The following TAGLN3 variants were observed in gnomAD, a reference collection of about 807,000 sequenced individuals.
The protein encoded by TAGLN3 is transgelin 3.
TAGLN3 carries 12 observed loss-of-function variants against 25.4 expected under a neutral mutation model. The ratio of observed to expected loss-of-function variants is 0.47; its 90% CI spans 0.30 to 0.77. The LOEUF is 0.77. Among genes scored for constraint, TAGLN3 ranks in the 30% least tolerant of loss-of-function variants. The pLI is 0.06. For synonymous variants in TAGLN3, 96 were observed against 94.8 expected, an observed-to-expected ratio of 1.01 and a Z score of -0.08; for missense variants, 218 against 255.8, an observed-to-expected ratio of 0.85 and a Z score of 1.01.
rs576540911 is a variant in TAGLN3 at position 112,008,198 on chromosome 3, G to GGCT, written c.356-3563_356-3561dup. Among the ~76,000 whole-genome samples the GGCT allele has an allele frequency of 3.5e-3, 539 of 152,304 alleles. 2 individuals carry two copies. Among genetic ancestry groups the GGCT allele is most frequent in the African/African-American group, 0.012 (506 of 41,556 alleles). On this transcript the variant is annotated intron_variant, in intron 3 of 4. Transcript: ENST00000478951. ...ATAATCCAAGAAGCTTGGGAAAGCA[G>GGCT]GCTGTGTATGGCCATTTTTTATACT... is the stretch of plus-strand genomic sequence containing the variant.
chr3:112,006,786 T>TA (rs2072921448), intron 3 of TAGLN3, among the ~76,000 whole-genome samples: 1 of 152,222 alleles, frequency 6.6e-6, no homozygotes, highest in Non-Finnish European at 1.5e-5. Flanking sequence ...ATACATAAGA[T>TA]ACCTTGGAAG....
At position 111,999,472 on chromosome 3, in the gene TAGLN3, A is replaced by G; in HGVS notation, c.50A>G (p.Lys17Arg). The G allele has an allele frequency of 6.2e-7, 1 of 1,614,238 alleles. No individual in the cohort carries two copies. Among genetic ancestry groups the G allele is most frequent in the Non-Finnish European group, 8.5e-7 (1 of 1,180,038 alleles). ...SYGLSREVQE[K>R]IEQKYDADLE... ...GGCTTAAGCCGAGAGGTGCAGGAGA[A>G]GATCGAGCAGAAGTATGATGCGGAC... Residue 17 changes from lysine to arginine, a missense_variant, in exon 2 of 5, where the codon AAG (lysine) becomes AGG (arginine). Coordinates refer to ENST00000478951, the MANE Select transcript of TAGLN3 (RefSeq NM_001008272.2).
chr3:112,006,224 CA>C (rs2072915823), intron 3 of TAGLN3, among the ~76,000 whole-genome samples: 1 of 152,132 alleles, frequency 6.6e-6, no homozygotes, highest in African/African-American at 2.4e-5. Context: ...GCCCCAACAG[CA>C]GAGTTTCTGA....
Position 111,999,101 on chromosome 3 carries a change from G to A in TAGLN3, c.-16G>A, listed in dbSNP as rs1337779925. ...CACCCATCCCCCTTGCTGCCTGGGG[G>A]TTCAGACTTGATTGTGAGTCCGTGT... is the stretch of plus-strand genomic sequence containing the variant. On this transcript the variant is annotated 5_prime_UTR_variant, in exon 1 of 5. Coordinates refer to ENST00000478951, the MANE Select transcript of TAGLN3 (RefSeq NM_001008272.2). 2.0e-5 allele frequency: 4 copies of A among 202,022 alleles called. No individual in the cohort carries two copies. Among genetic ancestry groups the A allele is most frequent in the Non-Finnish European group, 4.0e-5 (4 of 100,280 alleles). 12.5% of individuals were successfully genotyped at this position (202,022 alleles called of 1,614,324 possible).
intron 3 of TAGLN3, among the ~76,000 whole-genome samples, chr3:112,004,942 A>G (rs1306433522): frequency 6.6e-6 from 1 of 152,084 alleles, no homozygotes; most frequent in Non-Finnish European, 1.5e-5. Flanking sequence ...AATACAAATG[A>G]CCAGGCTTTA....
intron 4 of TAGLN3, among the ~76,000 whole-genome samples, chr3:112,012,247 C>CTTA (rs2072985920): frequency 2.9e-5 from 3 of 102,318 alleles, no homozygotes; most frequent in African/African-American, 7.7e-5. Context: ...TCCCTCCCTC[C>CTTA]CTCCCTCCCT....
intron 3 of TAGLN3, among the ~76,000 whole-genome samples, chr3:112,005,643 C>T (rs1205340711): frequency 6.6e-6 from 1 of 151,436 alleles, no homozygotes; most frequent in Admixed American, 6.6e-5. Flanking sequence ...AGTAAAGTAC[C>T]TGTAATGACT....
chr3:112,010,580 C>T (rs190488607), intron 3 of TAGLN3, among the ~76,000 whole-genome samples: 56 of 152,302 alleles, frequency 3.7e-4, no homozygotes, highest in Non-Finnish European at 4.6e-4. Flanking sequence ...TTCCTTATGC[C>T]TTCTCCCTTC....
At chr3:112,002,871 G>C (rs1464497032) in intron 3 of TAGLN3, among the ~76,000 whole-genome samples, 1 of 151,502 alleles carries the variant, frequency 6.6e-6, no homozygotes, top group Non-Finnish European at 1.5e-5. Flanking sequence ...TACAGAGTCG[G>C]AGGAGGTATA....
intron 4 of TAGLN3, 74 bp from the exon 5 acceptor site, chr3:112,013,336 G>A (rs1576083148): frequency 6.5e-7 from 1 of 1,546,638 alleles, no homozygotes; most frequent in South Asian, 1.3e-5. Context: ...AGCAGAGCCT[G>A]TCTAATTGCA....
At position 112,000,880 on chromosome 3, in the gene TAGLN3, C is replaced by A; in HGVS notation, c.289C>A (p.Leu97Ile). ...FKQMEQISQF[L>I]KAAETYGVRT... The stretch of plus-strand genomic sequence containing the variant: ...GCAGATGGAGCAAATCTCCCAGTTC[C>A]TAAAAGCTGCGGAGACCTATGGTGT... The change falls in exon 3 of 5, where the codon CTA becomes ATA. Residue 97 changes from leucine to isoleucine, a missense_variant. By Grantham distance (5) the Leu-to-Ile change is conservative. Transcript: ENST00000478951. The A allele has an allele frequency of 6.8e-6, 11 of 1,614,192 alleles. No individual in the cohort carries two copies. Among genetic ancestry groups the A allele is most frequent in the Non-Finnish European group, 9.3e-6 (11 of 1,180,036 alleles).
rs1467935814 is a variant in TAGLN3, at chr3:111,999,111, G to C, written c.-6G>C. The C allele has an allele frequency of 4.6e-6, 1 of 215,066 alleles. No individual in the cohort carries two copies. 13.3% of individuals were successfully genotyped at this position (215,066 alleles called of 1,614,324 possible). On this transcript the variant is annotated 5_prime_UTR_variant, in exon 1 of 5. Coordinates refer to ENST00000478951, the MANE Select transcript of TAGLN3 (RefSeq NM_001008272.2). The stretch of plus-strand genomic sequence containing the variant: ...CCTTGCTGCCTGGGGGTTCAGACTT[G>C]ATTGTGAGTCCGTGTTATATCATCT...
At chr3:112,000,613 C>T (rs1355006791) in intron 2 of TAGLN3, 159 bp from the exon 3 acceptor site, 1 of 696,704 alleles carries the variant, frequency 1.4e-6, no homozygotes, top group East Asian at 2.5e-5. Flanking sequence ...AGTATAGGAG[C>T]CTGGCTACAC....
chr3:112,009,339 C>T (rs545286391), intron 3 of TAGLN3, among the ~76,000 whole-genome samples: 12 of 152,336 alleles, frequency 7.9e-5, no homozygotes, highest in African/African-American at 2.9e-4. Context: ...CACTCAAAGA[C>T]TTATGGGCAT....
chr3:112,010,163 G>C (rs2072960768), intron 3 of TAGLN3, among the ~76,000 whole-genome samples: 1 of 152,010 alleles, frequency 6.6e-6, no homozygotes, highest in South Asian at 2.1e-4. Flanking sequence ...TAGTTCTATA[G>C]TTTAATAAAA....
At chr3:112,007,779 T>G (rs1249184477) in intron 3 of TAGLN3, among the ~76,000 whole-genome samples, 1 of 152,240 alleles carries the variant, frequency 6.6e-6, no homozygotes, top group Non-Finnish European at 1.5e-5. Context: ...TTATCGCTTT[T>G]ACTTTTGACT....
intron 3 of TAGLN3, among the ~76,000 whole-genome samples, chr3:112,009,317 C>A (rs1168311131): frequency 1.3e-5 from 2 of 152,144 alleles, no homozygotes; most frequent in Admixed American, 6.5e-5. Flanking sequence ...CATGGAGAAA[C>A]CTAGACAAAA....
chr3:112,011,174 G>A lies in TAGLN3; in HGVS notation c.356-589G>A, dbSNP rs117963469. Among the ~76,000 whole-genome samples, 391 of 152,342 alleles carry A rather than the reference G, an allele frequency of 2.6e-3. 7 individuals are homozygous for A. The South Asian group carries it at 0.041, about 16-fold the overall frequency. On this transcript the variant is annotated intron_variant, in intron 3 of 4. Coordinates refer to ENST00000478951, the MANE Select transcript of TAGLN3 (RefSeq NM_001008272.2). ...GGAAGAGAAGAAAGGAGAAAGAATG[G>A]GAGGAAAGGCTGAGTTGTAAGGCCC...
chr3:111,999,846 C>G (rs2072836306), intron 2 of TAGLN3, among the ~76,000 whole-genome samples: 1 of 152,152 alleles, frequency 6.6e-6, no homozygotes, highest in Non-Finnish European at 1.5e-5. Flanking sequence ...TTGGCAAATT[C>G]GAAGCCCTTT....
Sources: allele counts gnomAD v4.1 joint callset (sites outside exome capture counted in the v4.1 genomes callset), GRCh38; gene constraint gnomAD v4.1.1; transcripts MANE v1.5; gene names NCBI Gene and HGNC (gene_info 2026-07-23, HGNC 2026-07-21).